The following RANBP2 variants were observed in gnomAD, a reference collection of about 807,000 sequenced individuals.
RANBP2 encodes E3 SUMO-protein ligase RanBP2.
A neutral mutation model predicts 303.6 loss-of-function variants in RANBP2; 57 were observed. That is an observed-to-expected ratio of 0.19 (90% CI 0.15 to 0.23). The LOEUF (loss-of-function observed/expected upper bound fraction) is 0.23, where lower values mean the gene tolerates loss of function less well. RANBP2 is among the 10% of genes least tolerant of loss of function. The pLI, the probability that RANBP2 is intolerant of heterozygous loss-of-function variation, is 1.00. For missense variants in RANBP2, 3,138 were observed against 3,780.8 expected (o/e 0.83, Z 4.46); for synonymous variants, 1,167 against 1,301.5 (o/e 0.90, Z 2.23).
chr2:109,056,005 G>A, the RANBP2 span, among the ~76,000 whole-genome samples: 35 of 152,004 alleles, frequency 2.3e-4, no homozygotes, highest in Admixed American at 9.2e-4. Flanking sequence ...TGATCCACCC[G>A]CCTCAGCCTC....
chr2:109,417,450 G>T, the RANBP2 span, among the ~76,000 whole-genome samples: 1 of 152,174 alleles, frequency 6.6e-6, no homozygotes, highest in Non-Finnish European at 1.5e-5. Flanking sequence ...TCCGTGGGAA[G>T]GAATGCCCCC....
chr2:109,151,565 G>A, the RANBP2 span, among the ~76,000 whole-genome samples: 2 of 152,096 alleles, frequency 1.3e-5, no homozygotes, highest in Admixed American at 1.3e-4. Context: ...AAAATATGTC[G>A]GCATGTAGTT....
At chr2:109,125,969 C>T in the RANBP2 span, among the ~76,000 whole-genome samples, 3 of 152,184 alleles carry the variant, frequency 2.0e-5, no homozygotes, top group Non-Finnish European at 2.9e-5. Flanking sequence ...AGAACTAAAT[C>T]GGTTGCCAAC....
At chr2:109,497,552 G>C in the RANBP2 span, among the ~76,000 whole-genome samples, 2 of 152,210 alleles carry the variant, frequency 1.3e-5, no homozygotes, top group African/African-American at 4.8e-5. Flanking sequence ...GTTGCTTGCT[G>C]ATTTATGACG....
the RANBP2 span, among the ~76,000 whole-genome samples, chr2:109,595,595 T>C: frequency 6.6e-6 from 1 of 151,972 alleles, no homozygotes. Flanking sequence ...AAGAAGAAAA[T>C]GACTTTGAAG....
At chr2:108,965,478 A>AAG in the RANBP2 span, among the ~76,000 whole-genome samples, 1,684 of 151,590 alleles carry the variant, frequency 0.011, 27 homozygotes, top group African/African-American at 0.039. Context: ...AAAAAAAAAA[A>AAG]AGATAATAAA....
chr2:108,761,100 A>T (rs1676701566), intron 18 of RANBP2, among the ~76,000 whole-genome samples: 1 of 149,332 alleles, frequency 6.7e-6, no homozygotes, highest in Non-Finnish European at 1.5e-5. Context: ...TAAACTTCAG[A>T]CTAAGATTTT....
chr2:108,935,371 A>G, the RANBP2 span, among the ~76,000 whole-genome samples: 1 of 152,166 alleles, frequency 6.6e-6, no homozygotes, highest in Non-Finnish European at 1.5e-5. Context: ...CTGGGAGCTC[A>G]TTAGAAATGC....
chr2:109,163,264 C>T, the RANBP2 span, among the ~76,000 whole-genome samples: 1 of 152,038 alleles, frequency 6.6e-6, no homozygotes, highest in Admixed American at 6.6e-5. Context: ...TAGGGCTCTG[C>T]CATTTGTTTC....
chr2:109,505,219 A>G, the RANBP2 span, among the ~76,000 whole-genome samples: 1 of 152,204 alleles, frequency 6.6e-6, no homozygotes, highest in African/African-American at 2.4e-5. Context: ...CCAATCAGCC[A>G]GCCTGACACC....
chr2:108,861,517 G>A, the RANBP2 span, among the ~76,000 whole-genome samples: 1 of 134,442 alleles, frequency 7.4e-6, no homozygotes, highest in Non-Finnish European at 1.5e-5. Flanking sequence ...GTCTCGCTCT[G>A]TCACCCAGGC....
At chr2:109,165,519 A>G in the RANBP2 span, among the ~76,000 whole-genome samples, 2 of 152,150 alleles carry the variant, frequency 1.3e-5, no homozygotes, top group Non-Finnish European at 2.9e-5. Flanking sequence ...AGTAGTTGGG[A>G]CCCAGCTACA....
intron 13 of RANBP2, 60 bp from the exon 14 acceptor site, chr2:108,753,366 C>G: frequency 6.2e-7 from 1 of 1,601,188 alleles, no homozygotes; most frequent in Non-Finnish European, 8.5e-7. Context: ...TTTGGAAAAT[C>G]ATTTGGGTTT....
chr2:109,572,448 T>C, the RANBP2 span, among the ~76,000 whole-genome samples: 1 of 151,490 alleles, frequency 6.6e-6, no homozygotes. Flanking sequence ...CCCTATTTTA[T>C]ATATGAAAAA....
At chr2:108,883,225 C>G in the RANBP2 span, 11 of 152,296 alleles carry the variant, frequency 7.2e-5, no homozygotes, top group African/African-American at 2.6e-4. Context: ...ATACAAATCC[C>G]TGAAAATATT....
At chr2:108,979,542 CAAGCTAGT>C in the RANBP2 span, among the ~76,000 whole-genome samples, 2 of 151,942 alleles carry the variant, frequency 1.3e-5, no homozygotes, top group Admixed American at 6.6e-5. Context: ...CTGGAGAAAG[CAAGCTAGT>C]AAGCTAGGGG....
chr2:108,746,163 C>T (rs1448717983), intron 7 of RANBP2, among the ~76,000 whole-genome samples: 2 of 151,084 alleles, frequency 1.3e-5, no homozygotes, highest in African/African-American at 4.9e-5. Flanking sequence ...CCACCTTGGC[C>T]TTCCAAAGTG....
the RANBP2 span, among the ~76,000 whole-genome samples, chr2:108,943,385 C>T: frequency 2.0e-5 from 3 of 152,160 alleles, no homozygotes; most frequent in Non-Finnish European, 4.4e-5. Context: ...TCACCTCATT[C>T]TTTATATAGT....
At chr2:109,659,367 TC>T in the RANBP2 span, among the ~76,000 whole-genome samples, 2 of 151,254 alleles carry the variant, frequency 1.3e-5, no homozygotes, top group Admixed American at 1.3e-4. Flanking sequence ...AGAGATTTCA[TC>T]CCCCCCAAAA....
Sources: gnomAD v4.1 joint callset for allele counts (sites outside exome capture counted in the v4.1 genomes callset) on GRCh38, gnomAD v4.1.1 for gene constraint, MANE v1.5 for transcripts, NCBI Gene and HGNC (gene_info 2026-07-23, HGNC 2026-07-21) for gene names.